The following THOC7 variants were observed in gnomAD, a reference collection of about 807,000 sequenced individuals.
The protein encoded by THOC7 is NIF3L1-binding protein 1.
Under a neutral mutation model 33.1 loss-of-function variants are expected in THOC7, and 22 were observed. That is an observed-to-expected ratio of 0.66 (90% CI 0.47 to 0.95). The LOEUF is 0.95. THOC7 is among the 40% of genes least tolerant of loss of function. The pLI is 0.00. For synonymous variants in THOC7, 77 were observed against 76.8 expected (o/e 1.00, Z -0.01); for missense variants, 184 against 245.3 (o/e 0.75, Z 1.67).
chr3:63,850,964 T>C (rs1268372119), intron 1 of THOC7, among the ~76,000 whole-genome samples: 2 of 152,220 alleles, frequency 1.3e-5, no homozygotes, highest in Admixed American at 1.3e-4. Flanking sequence ...AACTGATATT[T>C]CTTGTTGCAC....
chr3:63,834,173 C>A lies in THOC7; in HGVS notation c.574G>T (p.Glu192Ter). Residue 192 changes from glutamate (E) to a stop codon, truncating the protein, a stop_gained, in exon 8 of 8, where the codon GAA becomes TAA. Transcript: ENST00000295899. LOFTEE classifies it high-confidence loss of function. ...GTTTCCATGCTTGCTTCCTGAGCTT[C>A]TTCTACCTCTGAGAGTTTTTCATCA... is the stretch of plus-strand genomic sequence containing the variant. ...ENDEKLSEVE[E>*]AQEASMETDP... The A allele has an allele frequency of 6.2e-7, 1 of 1,614,040 alleles. No homozygotes were observed. The highest frequency in any genetic ancestry group is 8.5e-7 in the Non-Finnish European group (1 of 1,179,998).
intron 1 of THOC7, among the ~76,000 whole-genome samples, chr3:63,859,303 T>C (rs773857457): frequency 1.3e-5 from 2 of 152,242 alleles, no homozygotes; most frequent in Non-Finnish European, 2.9e-5. Flanking sequence ...CATTTCTAAA[T>C]GCCCACAAAG....
intron 1 of THOC7, chr3:63,861,427 C>T (rs1385022191): frequency 1.3e-5 from 2 of 152,246 alleles, no homozygotes; most frequent in Non-Finnish European, 2.9e-5. Flanking sequence ...TACCTGAAGT[C>T]CTGACATTCT....
intron 1 of THOC7, among the ~76,000 whole-genome samples, chr3:63,851,991 G>A (rs1047253334): frequency 6.6e-6 from 1 of 152,144 alleles, no homozygotes; most frequent in Admixed American, 6.6e-5. Flanking sequence ...GCCCTCCATA[G>A]GTTTGCTGCC....
rs781553885 is a variant in THOC7 at position 63,846,220 on chromosome 3, G to GA, written c.20-6448dup. 1.5e-3 allele frequency: 674 copies of GA among 449,880 alleles called. 2 individuals are homozygous for GA. The highest frequency in any genetic ancestry group is 5.5e-3 in the South Asian group (347 of 63,550). The allele number at this position is 449,880 out of a possible 1,614,324, so 27.9% of individuals were successfully genotyped here. Reference sequence around the variant, plus strand: ...TTTGTCTGAATTGCCTTTCTTCCCTGAAAAAAGCAGTTAAACAGTTTCCTT... The same window carrying GA: ...TTTGTCTGAATTGCCTTTCTTCCCTGAAAAAAAGCAGTTAAACAGTTTCCTT... On this transcript the variant is annotated intron_variant, in intron 1 of 7. Transcript: ENST00000295899.
chr3:63,852,633 T>A (rs749732841), intron 1 of THOC7, among the ~76,000 whole-genome samples: 1 of 151,946 alleles, frequency 6.6e-6, no homozygotes, highest in Non-Finnish European at 1.5e-5. Context: ...ATACAAGCAG[T>A]TGGGAGTCAG....
intron 1 of THOC7, among the ~76,000 whole-genome samples, chr3:63,853,825 G>A (rs1260287818): frequency 1.3e-5 from 2 of 151,476 alleles, no homozygotes; most frequent in African/African-American, 4.9e-5. Context: ...GGAGAATGGC[G>A]TGAACCCGGG....
At chr3:63,859,698 CCT>C (rs1317020227) in intron 1 of THOC7, among the ~76,000 whole-genome samples, 2 of 152,244 alleles carry the variant, frequency 1.3e-5, no homozygotes, top group Admixed American at 6.5e-5. Flanking sequence ...CCAGGGCCCT[CCT>C]CTGTCTAGTT....
intron 1 of THOC7, 28 bp downstream of exon 1, chr3:63,863,744 G>A (rs898512291): frequency 4.8e-6 from 6 of 1,249,788 alleles, no homozygotes; most frequent in Middle Eastern, 3.1e-4. Flanking sequence ...CGTGCAGCGG[G>A]CGCGTGTGGC....
intron 4 of THOC7, among the ~76,000 whole-genome samples, chr3:63,837,177 A>C (rs1479558319): frequency 1.3e-5 from 2 of 152,142 alleles, no homozygotes; most frequent in Non-Finnish European, 2.9e-5. Flanking sequence ...AATTTTTTGA[A>C]TTACAAAATA....
intron 4 of THOC7, 65 bp from the exon 5 acceptor site, chr3:63,836,423 G>A: frequency 6.8e-7 from 1 of 1,476,476 alleles, no homozygotes; most frequent in Non-Finnish European, 9.4e-7. Flanking sequence ...AAAACAAAAT[G>A]TGTAATATCA....
chr3:63,834,231 T>G (rs1212585747), intron 7 of THOC7, 32 bp from the exon 8 acceptor site: 1 of 1,607,604 alleles, frequency 6.2e-7, no homozygotes, highest in African/African-American at 1.3e-5. Flanking sequence ...AAAACCTTAG[T>G]CAAGTTTGCC....
chr3:63,862,265 G>A (rs1702238836), intron 1 of THOC7, among the ~76,000 whole-genome samples: 2 of 152,272 alleles, frequency 1.3e-5, no homozygotes, highest in South Asian at 4.1e-4. Context: ...TACCAACCCA[G>A]AACACCAGTC....
intron 1 of THOC7, among the ~76,000 whole-genome samples, chr3:63,846,506 C>G (rs1242300674): frequency 6.6e-6 from 1 of 152,122 alleles, no homozygotes; most frequent in Non-Finnish European, 1.5e-5. Context: ...CTCCTGGGTT[C>G]AAGCTATTCT....
intron 1 of THOC7, among the ~76,000 whole-genome samples, chr3:63,860,190 C>T (rs1702182918): frequency 1.3e-5 from 2 of 151,832 alleles, no homozygotes; most frequent in South Asian, 2.1e-4. Context: ...AGGTGCACAC[C>T]ACCACACACG....
At chr3:63,846,686 T>C (rs1156649880) in intron 1 of THOC7, among the ~76,000 whole-genome samples, 1 of 152,106 alleles carries the variant, frequency 6.6e-6, no homozygotes, top group Non-Finnish European at 1.5e-5. Flanking sequence ...GCGGGAATTA[T>C]AGGCATGAGC....
chr3:63,841,151 A>G (rs1346539903), intron 1 of THOC7, among the ~76,000 whole-genome samples: 1 of 152,226 alleles, frequency 6.6e-6, no homozygotes, highest in Non-Finnish European at 1.5e-5. Context: ...AAATGAAAAC[A>G]AAACAGGTGT....
At chr3:63,844,147 A>C (rs1204289124) in intron 1 of THOC7, among the ~76,000 whole-genome samples, 1 of 152,216 alleles carries the variant, frequency 6.6e-6, no homozygotes, top group Non-Finnish European at 1.5e-5. Flanking sequence ...AATCTAAAAA[A>C]GGTGGTCTCA....
At chr3:63,845,156 C>A in intron 1 of THOC7, 1 of 598,456 alleles carries the variant, frequency 1.7e-6, no homozygotes. Context: ...AAGTCCCCCT[C>A]AGATCTGAGC....
Sources: allele counts gnomAD v4.1 joint callset (sites outside exome capture counted in the v4.1 genomes callset), GRCh38; gene constraint gnomAD v4.1.1; transcripts MANE v1.5; gene names NCBI Gene and HGNC (gene_info 2026-07-23, HGNC 2026-07-21).